Variants in SLC24A2 observed in about 807,000 individuals in gnomAD.
SLC24A2 encodes the protein sodium/potassium/calcium exchanger 2.
In SLC24A2, 36 loss-of-function variants were observed where a neutral mutation model predicts 62.0. The observed-to-expected ratio is 0.58, with a 90% CI of 0.44 to 0.77. The LOEUF is 0.77. SLC24A2 is among the 30% of genes least tolerant of loss of function. SLC24A2 has a pLI of 0.00. For missense variants in SLC24A2, 846 were observed against 817.9 expected (o/e 1.03, Z -0.42); for synonymous variants, 358 against 294.0 (o/e 1.22, Z -2.23).
chr9:20,098,565 C>G, the SLC24A2 span, among the ~76,000 whole-genome samples: 1 of 152,208 alleles, frequency 6.6e-6, no homozygotes, highest in Admixed American at 6.5e-5. Flanking sequence ...ATAAGAAACT[C>G]AGCATTAGGC....
intron 2 of SLC24A2, among the ~76,000 whole-genome samples, chr9:19,666,745 T>G (rs138698079): frequency 6.6e-6 from 1 of 152,190 alleles, no homozygotes; most frequent in African/African-American, 2.4e-5. Flanking sequence ...AAAACCATTA[T>G]GTTTTTTTCA....
chr9:20,229,522 C>A, the SLC24A2 span, among the ~76,000 whole-genome samples: 2 of 152,016 alleles, frequency 1.3e-5, no homozygotes, highest in Non-Finnish European at 2.9e-5. Context: ...ATTTATACAA[C>A]AGAGTGACAA....
At chr9:20,020,342 C>T in the SLC24A2 span, among the ~76,000 whole-genome samples, 1 of 152,024 alleles carries the variant, frequency 6.6e-6, no homozygotes, top group Non-Finnish European at 1.5e-5. Flanking sequence ...CAATGATAGA[C>T]TGGATAAAGA....
At chr9:19,799,804 T>C in the SLC24A2 span, among the ~76,000 whole-genome samples, 1 of 152,200 alleles carries the variant, frequency 6.6e-6, no homozygotes, top group African/African-American at 2.4e-5. Context: ...CCTCTCTCCA[T>C]CATACTCTGT....
At chr9:20,156,045 T>C in the SLC24A2 span, among the ~76,000 whole-genome samples, 1 of 151,752 alleles carries the variant, frequency 6.6e-6, no homozygotes, top group East Asian at 1.9e-4. Context: ...AGTGTATCCA[T>C]CTGGACAAGT....
the SLC24A2 span, among the ~76,000 whole-genome samples, chr9:20,126,670 G>T: frequency 6.6e-6 from 1 of 152,202 alleles, no homozygotes. Flanking sequence ...CAAAATCTTA[G>T]AAGAGGAATT....
At chr9:19,837,681 C>T in the SLC24A2 span, among the ~76,000 whole-genome samples, 2 of 152,020 alleles carry the variant, frequency 1.3e-5, no homozygotes, top group East Asian at 1.9e-4. Context: ...ATCGTCTCAG[C>T]CAAAAATCTC....
chr9:19,850,582 C>A, the SLC24A2 span, among the ~76,000 whole-genome samples: 1 of 152,132 alleles, frequency 6.6e-6, no homozygotes, highest in South Asian at 2.1e-4. Context: ...AGCACATATC[C>A]ATTATCCCCC....
the SLC24A2 span, among the ~76,000 whole-genome samples, chr9:20,163,554 G>C: frequency 1.3e-5 from 2 of 152,116 alleles, no homozygotes; most frequent in African/African-American, 4.8e-5. Context: ...TGGTCATACT[G>C]CCCAAGGTAA....
chr9:19,793,514 A>G (rs563360904), upstream of SLC24A2, among the ~76,000 whole-genome samples: 5 of 152,362 alleles, frequency 3.3e-5, no homozygotes, highest in African/African-American at 4.8e-5. Context: ...GTGATGATCA[A>G]TAATAACTAC....
chr9:19,961,893 A>G, the SLC24A2 span, among the ~76,000 whole-genome samples: 1 of 152,202 alleles, frequency 6.6e-6, no homozygotes, highest in African/African-American at 2.4e-5. Context: ...AGACTCTTCA[A>G]AAGAATGTAG....
At chr9:19,834,720 G>C in the SLC24A2 span, among the ~76,000 whole-genome samples, 5 of 152,136 alleles carry the variant, frequency 3.3e-5, no homozygotes, top group Non-Finnish European at 1.5e-5. Context: ...AGGAAATACA[G>C]AGAACGCCAC....
chr9:20,229,093 G>C, the SLC24A2 span, among the ~76,000 whole-genome samples: 1 of 152,148 alleles, frequency 6.6e-6, no homozygotes, highest in Admixed American at 6.5e-5. Context: ...TGATTCCTGA[G>C]GGGAGTACAT....
chr9:20,047,832 G>C, the SLC24A2 span, among the ~76,000 whole-genome samples: 2 of 151,522 alleles, frequency 1.3e-5, no homozygotes, highest in Admixed American at 1.3e-4. Context: ...GTTTTGGGGA[G>C]ACACAAACAT....
At chr9:20,122,713 A>G in the SLC24A2 span, among the ~76,000 whole-genome samples, 6 of 152,150 alleles carry the variant, frequency 3.9e-5, no homozygotes, top group Non-Finnish European at 8.8e-5. Context: ...ACAACAACAA[A>G]AAAACTCTAC....
At chr9:19,608,863 G>C (rs138735162) in intron 4 of SLC24A2, among the ~76,000 whole-genome samples, 2,313 of 152,190 alleles carry the variant, frequency 0.015, 24 homozygotes, top group Middle Eastern at 0.024. Context: ...GAGACTGCTA[G>C]AGCGTTAGTT....
chr9:20,282,907 T>C, the SLC24A2 span, among the ~76,000 whole-genome samples: 2 of 152,362 alleles, frequency 1.3e-5, no homozygotes, highest in African/African-American at 2.4e-5. Flanking sequence ...ATCTGTATCA[T>C]TGCAACTTTG....
the SLC24A2 span, among the ~76,000 whole-genome samples, chr9:19,873,012 A>G: frequency 0.033 from 5,069 of 152,240 alleles, 122 homozygotes; most frequent in Middle Eastern, 0.088. Context: ...AAGAAGAAGA[A>G]TGATTCAGGG....
At chr9:19,648,980 T>C (rs1460401769) in intron 2 of SLC24A2, among the ~76,000 whole-genome samples, 2 of 144,694 alleles carry the variant, frequency 1.4e-5, no homozygotes, top group African/African-American at 5.1e-5. Context: ...TTAGTGAATT[T>C]TGTCATGTTT....
Sources: gnomAD v4.1 joint callset for allele counts (sites outside exome capture counted in the v4.1 genomes callset) on GRCh38, gnomAD v4.1.1 for gene constraint, MANE v1.5 for transcripts, NCBI Gene and HGNC (gene_info 2026-07-23, HGNC 2026-07-21) for gene names.